Variants in FRYL observed in about 807,000 individuals in gnomAD.
FRYL encodes protein furry homolog-like.
In FRYL, 150 loss-of-function variants were observed where a neutral mutation model predicts 351.2. The ratio of observed to expected loss-of-function variants is 0.43; its 90% CI spans 0.37 to 0.49. The LOEUF is 0.49. FRYL is among the 20% of genes least tolerant of loss of function. The pLI, the probability that FRYL is intolerant of heterozygous loss-of-function variation, is 0.00. For synonymous variants in FRYL, 1,153 were observed against 1,257.1 expected (o/e 0.92, Z 1.75); for missense variants, 3,036 against 3,619.3 (o/e 0.84, Z 4.13).
At chr4:48,762,757 T>C (rs1488066616) in intron 1 of FRYL, among the ~76,000 whole-genome samples, 2 of 152,216 alleles carry the variant, frequency 1.3e-5, no homozygotes, top group African/African-American at 4.8e-5. Context: ...TCACATACCA[T>C]ATAAAACCAG....
intron 2 of FRYL, among the ~76,000 whole-genome samples, chr4:48,685,238 TCTA>T (rs930085187): frequency 9.2e-5 from 14 of 152,172 alleles, no homozygotes; most frequent in Admixed American, 3.3e-4. Context: ...TTAATAATCA[TCTA>T]CTACTATAAT....
At chr4:48,564,341 C>G (rs1245083982) in intron 30 of FRYL, among the ~76,000 whole-genome samples, 3 of 152,350 alleles carry the variant, frequency 2.0e-5, no homozygotes, top group Admixed American at 1.3e-4. Flanking sequence ...TGTCTTCCAA[C>G]AGAGCCCTGA....
chr4:48,534,182 C>A (rs1195662596), intron 49 of FRYL, among the ~76,000 whole-genome samples: 2 of 152,146 alleles, frequency 1.3e-5, no homozygotes, highest in African/African-American at 4.8e-5. Context: ...GCCGAGACTG[C>A]GCCACTGCAC....
intron 2 of FRYL, among the ~76,000 whole-genome samples, chr4:48,687,731 A>G (rs1233773348): frequency 6.6e-6 from 1 of 152,218 alleles, no homozygotes; most frequent in Admixed American, 6.5e-5. Context: ...AAATAGAGCA[A>G]AAATTAAGGG....
intron 55 of FRYL, among the ~76,000 whole-genome samples, chr4:48,517,625 A>G (rs558433434): frequency 8.5e-5 from 13 of 152,346 alleles, no homozygotes; most frequent in African/African-American, 2.9e-4. Flanking sequence ...CATAAATAAT[A>G]AAAGAAACCC....
chr4:48,723,074 C>G (rs185759818), intron 1 of FRYL, among the ~76,000 whole-genome samples: 89 of 152,126 alleles, frequency 5.9e-4, no homozygotes, highest in Non-Finnish European at 9.0e-4. Context: ...GGACCTCAAA[C>G]CTAACAGGTT....
chr4:48,566,333 T>C (rs1736780004), intron 28 of FRYL, among the ~76,000 whole-genome samples: 1 of 152,216 alleles, frequency 6.6e-6, no homozygotes, highest in South Asian at 2.1e-4. Context: ...TTCCCCCATT[T>C]TGAAATTCTA....
At chr4:48,654,494 C>T (rs1455920289) in intron 3 of FRYL, among the ~76,000 whole-genome samples, 1 of 152,096 alleles carries the variant, frequency 6.6e-6, no homozygotes, top group Non-Finnish European at 1.5e-5. Flanking sequence ...CTGGAGATCA[C>T]GCTGGCTAAT....
chr4:48,546,496 T>G (rs1412929165), intron 41 of FRYL: 1 of 551,482 alleles, frequency 1.8e-6, no homozygotes, highest in African/African-American at 1.9e-5. Flanking sequence ...GCAATTTGGA[T>G]GTACTATGCA....
At chr4:48,713,147 G>A (rs1267875291) in intron 1 of FRYL, among the ~76,000 whole-genome samples, 3 of 151,780 alleles carry the variant, frequency 2.0e-5, no homozygotes, top group African/African-American at 2.4e-5. Flanking sequence ...AAAGACCATC[G>A]AGACTAGGAA....
intron 1 of FRYL, among the ~76,000 whole-genome samples, chr4:48,737,510 A>G (rs1158535428): frequency 2.6e-5 from 4 of 152,220 alleles, no homozygotes; most frequent in African/African-American, 9.6e-5. Flanking sequence ...AGAAAGCACC[A>G]GGTCCAGACA....
In FRYL at chr4:48,564,949, T is replaced by G. The variant is rs1736438601; in HGVS notation, c.3425A>C (p.Asp1142Ala). 6.3e-7 allele frequency: 1 copy of G among 1,586,634 alleles called. No individual in the cohort carries two copies. Among genetic ancestry groups the G allele is most frequent in the Non-Finnish European group, 8.6e-7 (1 of 1,158,514 alleles). ...YLYKWLDNIL[D>A]SLDKKVHQLG... ...CATAATTACCTTTTTGTCCAGAGAATCCAAAATGTTATCCAACCATTTGTA... is the reference window on the plus strand; with the variant it reads ...CATAATTACCTTTTTGTCCAGAGAAGCCAAAATGTTATCCAACCATTTGTA... The change falls in exon 30 of 64, where the codon GAT becomes GCT. Residue 1142 changes from aspartate (D) to alanine (A), a missense_variant. By Grantham distance (126) the Asp-to-Ala change is moderately radical. Coordinates refer to ENST00000358350, the MANE Select transcript of FRYL (RefSeq NM_015030.2).
intron 3 of FRYL, among the ~76,000 whole-genome samples, chr4:48,640,857 G>C (rs956602666): frequency 3.9e-5 from 6 of 152,144 alleles, no homozygotes; most frequent in African/African-American, 1.4e-4. Context: ...ATCCCTGTCA[G>C]CCAGAACCAA....
At chr4:48,706,088 C>A (rs1553984146) in intron 2 of FRYL, among the ~76,000 whole-genome samples, 1 of 152,202 alleles carries the variant, frequency 6.6e-6, no homozygotes. Context: ...CTGCCTCAAT[C>A]TCCCAAACTG....
intron 49 of FRYL, 71 bp downstream of exon 49, chr4:48,534,474 T>C: frequency 1.7e-6 from 2 of 1,180,274 alleles, no homozygotes; most frequent in Non-Finnish European, 1.2e-6. Context: ...ATTTAAGGCA[T>C]TTCCAATATT....
chr4:48,597,654 T>C (rs1446824256), intron 13 of FRYL, among the ~76,000 whole-genome samples: 1 of 152,228 alleles, frequency 6.6e-6, no homozygotes, highest in East Asian at 1.9e-4. Flanking sequence ...TGTTAAATTG[T>C]ATTTTCAAAA....
At chr4:48,771,822 T>C (rs1379046359) in intron 1 of FRYL, among the ~76,000 whole-genome samples, 3 of 152,194 alleles carry the variant, frequency 2.0e-5, no homozygotes, top group Admixed American at 1.3e-4. Context: ...TGTATGGGGT[T>C]CTGTTCCCAC....
chr4:48,741,837 G>C (rs994284227), intron 1 of FRYL, among the ~76,000 whole-genome samples: 13 of 152,308 alleles, frequency 8.5e-5, no homozygotes, highest in African/African-American at 2.9e-4. Flanking sequence ...AAACTATAGA[G>C]AGAATTAAAA....
At chr4:48,747,758 G>A (rs1429866820) in intron 1 of FRYL, among the ~76,000 whole-genome samples, 2 of 152,008 alleles carry the variant, frequency 1.3e-5, no homozygotes, top group African/African-American at 4.8e-5. Context: ...GAAATTGTTG[G>A]GAAATAAAAA....
Sources: gnomAD v4.1 joint callset for allele counts (sites outside exome capture counted in the v4.1 genomes callset) on GRCh38, gnomAD v4.1.1 for gene constraint, MANE v1.5 for transcripts, NCBI Gene and HGNC (gene_info 2026-07-23, HGNC 2026-07-21) for gene names.